Variants in ERCC6L2 observed in about 807,000 individuals in gnomAD.
ERCC6L2 encodes the protein DNA excision repair protein ERCC-6-like 2.
Under a neutral mutation model 132.0 loss-of-function variants are expected in ERCC6L2, and 77 were observed. The ratio of observed to expected loss-of-function variants is 0.58; its 90% CI spans 0.49 to 0.71. The LOEUF (loss-of-function observed/expected upper bound fraction) is 0.71, where lower values mean the gene tolerates loss of function less well. Among genes scored for constraint, ERCC6L2 ranks in the 30% least tolerant of loss-of-function variants. The pLI, the probability that ERCC6L2 is intolerant of heterozygous loss-of-function variation, is 0.00. For missense variants in ERCC6L2, 1,542 were observed against 1,837.6 expected, an observed-to-expected ratio of 0.84 and a Z score of 2.94; for synonymous variants, 583 against 632.4, an observed-to-expected ratio of 0.92 and a Z score of 1.17.
chr9:95,987,744 G>T (rs143287432), intron 17 of ERCC6L2, among the ~76,000 whole-genome samples: 1 of 152,272 alleles, frequency 6.6e-6, no homozygotes, highest in African/African-American at 2.4e-5. Flanking sequence ...CCTCCACTAG[G>T]CAGTGCCCTA....
chr9:95,944,206 A>G (rs1026052120), intron 12 of ERCC6L2, among the ~76,000 whole-genome samples: 1 of 152,246 alleles, frequency 6.6e-6, no homozygotes, highest in Non-Finnish European at 1.5e-5. Context: ...AAGAAATGAA[A>G]TTCTGATAAA....
At chr9:95,947,763 C>A (rs941288948) in intron 12 of ERCC6L2, among the ~76,000 whole-genome samples, 2 of 152,176 alleles carry the variant, frequency 1.3e-5, no homozygotes, top group African/African-American at 4.8e-5. Context: ...AAAAGTTATG[C>A]TAACTCTACT....
At position 95,911,793 on chromosome 9, in the gene ERCC6L2, A is replaced by G. The variant is rs941145010; in HGVS notation, c.789-3875A>G. On this transcript the variant is annotated intron_variant, in intron 4 of 18. Coordinates refer to ENST00000653738, the MANE Select transcript of ERCC6L2 (RefSeq NM_020207.7). The stretch of plus-strand genomic sequence containing the variant: ...GTTTTTATCAAAGTTAATTATGTAT[A>G]TGATTTAAAGAGCCAAACATGATAA... 9.2e-5 allele frequency among the ~76,000 whole-genome samples: 14 copies of G among 152,258 alleles called. No homozygotes were observed. In the South Asian group the frequency reaches 1.2e-3, roughly 14 times the overall value.
Position 95,915,664 on chromosome 9 carries a change from A to G in ERCC6L2, c.789-4A>G, listed in dbSNP as rs367808564. 2.3e-4 allele frequency: 369 copies of G among 1,601,826 alleles called. 5 individuals carry two copies. The Middle Eastern group carries it at 9.6e-3, about 41-fold the overall frequency. On this transcript the variant is annotated splice_polypyrimidine_tract_variant and splice_region_variant and intron_variant, in intron 4 of 18. Coordinates refer to ENST00000653738, the MANE Select transcript of ERCC6L2 (RefSeq NM_020207.7). The stretch of plus-strand genomic sequence containing the variant: ...CCTCACCCTTCTTTTTTCTTACTTT[A>G]TAGTTTGGAATGGTCAGCTGTCATT...
At chr9:95,883,800 G>A in intron 2 of ERCC6L2, among the ~76,000 whole-genome samples, 1 of 152,234 alleles carries the variant, frequency 6.6e-6, no homozygotes, top group Non-Finnish European at 1.5e-5. Flanking sequence ...AGAGGTTGCA[G>A]TAAGTCGAGA....
chr9:95,907,358 GAGAC>G (rs1398528585), intron 4 of ERCC6L2, 87 bp downstream of exon 4: 51 of 550,600 alleles, frequency 9.3e-5, no homozygotes, highest in Non-Finnish European at 1.2e-4. Context: ...TTTTTTTTTT[GAGAC>G]AGAGTCTTGC....
At position 96,039,452 on chromosome 9, in the gene ERCC6L2, G is replaced by A. The variant is rs149448058; in HGVS notation, c.*1755+325G>A. Among the ~76,000 whole-genome samples, 36 of 152,314 alleles carry A rather than the reference G, an allele frequency of 2.4e-4. No individual in the cohort carries two copies. In the East Asian group the frequency reaches 6.6e-3, roughly 28 times the overall value. On this transcript the variant is annotated intron_variant and NMD_transcript_variant, in intron 20 of 20. Transcript: ENST00000670016. Reference sequence around the variant, plus strand: ...TTCCTGTTTGAGAGAACGTTTCTGGGTGGATGTGGCTCAAGGTGTGGCAAA... The same window carrying A: ...TTCCTGTTTGAGAGAACGTTTCTGGATGGATGTGGCTCAAGGTGTGGCAAA...
At chr9:95,979,443 T>C (rs1220419700) in intron 17 of ERCC6L2, among the ~76,000 whole-genome samples, 1 of 152,084 alleles carries the variant, frequency 6.6e-6, no homozygotes, top group African/African-American at 2.4e-5. Flanking sequence ...AAGAAAAAAA[T>C]AACACTGGTT....
At chr9:95,900,972 G>A (rs1376495249) in intron 3 of ERCC6L2, among the ~76,000 whole-genome samples, 3 of 152,002 alleles carry the variant, frequency 2.0e-5, no homozygotes, top group Non-Finnish European at 2.9e-5. Flanking sequence ...TACTCAGGAG[G>A]CTGAGGTAGT....
chr9:95,987,249 G>A (rs1038606142), intron 17 of ERCC6L2, among the ~76,000 whole-genome samples: 3 of 152,106 alleles, frequency 2.0e-5, no homozygotes, highest in Non-Finnish European at 4.4e-5. Context: ...CTTCCCAACA[G>A]TCCTCCAAAG....
At chr9:95,996,932 T>C (rs1463225967) in intron 17 of ERCC6L2, among the ~76,000 whole-genome samples, 1 of 152,204 alleles carries the variant, frequency 6.6e-6, no homozygotes, top group Admixed American at 6.5e-5. Context: ...GGCTTTCAAG[T>C]CTTATTTAAG....
chr9:95,976,762 G>A (rs1212291085), intron 16 of ERCC6L2, among the ~76,000 whole-genome samples: 1 of 152,160 alleles, frequency 6.6e-6, no homozygotes, highest in African/African-American at 2.4e-5. Context: ...CCTCTGCCCA[G>A]AATCTGTATG....
chr9:95,939,585 T>C (rs1830707536), intron 11 of ERCC6L2, among the ~76,000 whole-genome samples: 1 of 152,206 alleles, frequency 6.6e-6, no homozygotes, highest in African/African-American at 2.4e-5. Flanking sequence ...TCCACTGTAC[T>C]GTTCAGCCCA....
intron 2 of ERCC6L2, among the ~76,000 whole-genome samples, chr9:95,882,379 A>G (rs1827640978): frequency 6.6e-6 from 1 of 152,194 alleles, no homozygotes; most frequent in African/African-American, 2.4e-5. Context: ...GCTGCCTGCT[A>G]CAGGGTCTTT....
At chr9:95,949,908 T>C (rs1377954093) in intron 12 of ERCC6L2, among the ~76,000 whole-genome samples, 2 of 151,740 alleles carry the variant, frequency 1.3e-5, no homozygotes, top group Non-Finnish European at 2.9e-5. Context: ...CTTGGGAGGC[T>C]GAGGCAGAGA....
chr9:95,877,342 T>G (rs1827329854), intron 1 of ERCC6L2, among the ~76,000 whole-genome samples: 1 of 151,602 alleles, frequency 6.6e-6, no homozygotes, highest in Non-Finnish European at 1.5e-5. Context: ...CTTAAGGCTT[T>G]TTTTTTTTTG....
intron 1 of ERCC6L2, among the ~76,000 whole-genome samples, chr9:95,878,058 T>C (rs1279422157): frequency 6.6e-6 from 1 of 152,214 alleles, no homozygotes; most frequent in Admixed American, 6.5e-5. Flanking sequence ...ATAGGTGGAC[T>C]GGGAGCAGAG....
intron 13 of ERCC6L2, among the ~76,000 whole-genome samples, chr9:95,958,697 A>G (rs890889082): frequency 6.6e-5 from 10 of 152,168 alleles, no homozygotes; most frequent in South Asian, 2.1e-4. Flanking sequence ...TACAAAATCA[A>G]TGTACAAAAA....
chr9:95,879,890 T>C (rs1190021750), intron 1 of ERCC6L2, among the ~76,000 whole-genome samples: 1 of 152,222 alleles, frequency 6.6e-6, no homozygotes, highest in Non-Finnish European at 1.5e-5. Context: ...AGTGTTCTTA[T>C]GTTTGTAGCC....
Sources: allele counts gnomAD v4.1 joint callset (sites outside exome capture counted in the v4.1 genomes callset), GRCh38; gene constraint gnomAD v4.1.1; transcripts MANE v1.5; gene names NCBI Gene and HGNC (gene_info 2026-07-23, HGNC 2026-07-21).